The following LGR4 variants were observed in gnomAD, a reference collection of about 807,000 sequenced individuals.
LGR4 encodes leucine rich repeat containing G protein-coupled receptor 4, also known as leucine-rich repeat-containing G protein-coupled receptor 4.
In LGR4, 44 loss-of-function variants were observed where a neutral mutation model predicts 84.8. That is an observed-to-expected ratio of 0.52 (90% CI 0.41 to 0.67). The LOEUF is 0.67. Ranked by LOEUF, LGR4 falls within the 30% of genes least tolerant of loss-of-function variation. The pLI, the probability that LGR4 is intolerant of heterozygous loss-of-function variation, is 0.00. For synonymous variants in LGR4, 429 were observed against 434.3 expected, an observed-to-expected ratio of 0.99 and a Z score of 0.15; for missense variants, 1,032 against 1,131.4, an observed-to-expected ratio of 0.91 and a Z score of 1.26.
At chr11:27,372,432 A>G in intron 15 of LGR4, 34 bp from the exon 16 acceptor site, 1 of 1,142,514 alleles carries the variant, frequency 8.8e-7, no homozygotes, top group Non-Finnish European at 1.3e-6. Context: ...TACACTGAAC[A>G]GCAACTCCGC....
chr11:27,413,094 C>T (rs1863742029), intron 1 of LGR4, among the ~76,000 whole-genome samples: 2 of 152,072 alleles, frequency 1.3e-5, no homozygotes, highest in Admixed American at 6.6e-5. Flanking sequence ...GTATTTTCCC[C>T]TCTTAAGTAT....
chr11:27,409,217 G>A (rs1213659278), intron 2 of LGR4, among the ~76,000 whole-genome samples: 1 of 152,028 alleles, frequency 6.6e-6, no homozygotes, highest in African/African-American at 2.4e-5. Flanking sequence ...GTTCCAGAAA[G>A]CACTGGGCTC....
chr11:27,450,696 G>C (rs1027130560), intron 1 of LGR4, among the ~76,000 whole-genome samples: 1 of 152,158 alleles, frequency 6.6e-6, no homozygotes, highest in Non-Finnish European at 1.5e-5. Flanking sequence ...GCTGAGGCAG[G>C]AGAATCCCTT....
intron 1 of LGR4, among the ~76,000 whole-genome samples, chr11:27,457,393 C>T (rs1388209591): frequency 6.6e-6 from 1 of 152,150 alleles, no homozygotes; most frequent in Non-Finnish European, 1.5e-5. Flanking sequence ...ACAGCAACTG[C>T]TAGGTATCAT....
At chr11:27,449,198 A>T (rs1409107738) in intron 1 of LGR4, among the ~76,000 whole-genome samples, 1 of 152,198 alleles carries the variant, frequency 6.6e-6, no homozygotes, top group Non-Finnish European at 1.5e-5. Flanking sequence ...ATAATGAGTG[A>T]ATCCTCAAGA....
intron 1 of LGR4, among the ~76,000 whole-genome samples, chr11:27,424,083 C>T (rs979635010): frequency 6.6e-6 from 1 of 152,134 alleles, no homozygotes; most frequent in Non-Finnish European, 1.5e-5. Flanking sequence ...TTTATTGAAG[C>T]AGTTTCTGTT....
At chr11:27,459,870 C>A (rs1292684068) in intron 1 of LGR4, among the ~76,000 whole-genome samples, 1 of 151,938 alleles carries the variant, frequency 6.6e-6, no homozygotes, top group East Asian at 2.0e-4. Flanking sequence ...GCAGGTGGAT[C>A]ACCTGAGGTC....
chr11:27,382,230 TCC>T lies in LGR4; in HGVS notation c.714_715del (p.Glu239IlefsTer6). On this transcript the variant is annotated frameshift_variant, in exon 7 of 18. Transcript: ENST00000379214. LOFTEE classifies it high-confidence loss of function. ...AAGGGCTTTAATAGCCTGAGGAAAT[TCC>T]CCCAAGTTATTATAATTCAAGTCTC... 6.2e-7 allele frequency: 1 copy of T among 1,608,734 alleles called. No individual in the cohort carries two copies. Among genetic ancestry groups the T allele is most frequent in the Admixed American group, 1.7e-5 (1 of 59,920 alleles).
intron 2 of LGR4, among the ~76,000 whole-genome samples, chr11:27,409,715 C>T (rs1317265223): frequency 1.3e-5 from 2 of 152,220 alleles, no homozygotes; most frequent in East Asian, 1.9e-4. Context: ...CAACTTTATG[C>T]GTCCTAAAAC....
chr11:27,423,448 A>G (rs1382477491), intron 1 of LGR4, among the ~76,000 whole-genome samples: 1 of 151,644 alleles, frequency 6.6e-6, no homozygotes, highest in Non-Finnish European at 1.5e-5. Context: ...CATACCCCAC[A>G]CACACTCTCT....
Position 27,412,779 on chromosome 11 carries a change from T to G in LGR4, c.257+10A>C. The G allele has an allele frequency of 6.7e-7, 1 of 1,501,936 alleles. No homozygotes were observed. Among genetic ancestry groups the G allele is most frequent in the Non-Finnish European group, 9.3e-7 (1 of 1,078,638 alleles). 93.0% of individuals were successfully genotyped at this position (1,501,936 alleles called of 1,614,324 possible). A position where few individuals can be genotyped will look rare whatever the true frequency, so the allele number is the denominator to read the frequency against. ...AGACATACACACACATTTCTCAAAGTAATACTTACAGCTCTTCTAGAAAAG... is the reference window on the plus strand; with the variant it reads ...AGACATACACACACATTTCTCAAAGGAATACTTACAGCTCTTCTAGAAAAG... On this transcript the variant is annotated intron_variant, in intron 2 of 17. Transcript: ENST00000379214.
chr11:27,422,979 T>C (rs1863949980), intron 1 of LGR4, among the ~76,000 whole-genome samples: 1 of 152,204 alleles, frequency 6.6e-6, no homozygotes, highest in Admixed American at 6.5e-5. Flanking sequence ...ATTGAGTTTT[T>C]AGAAGTATAC....
At chr11:27,430,102 C>A (rs917520536) in intron 1 of LGR4, among the ~76,000 whole-genome samples, 2 of 152,152 alleles carry the variant, frequency 1.3e-5, no homozygotes, top group African/African-American at 4.8e-5. Flanking sequence ...TCACATCGAA[C>A]GTACTCCTCT....
chr11:27,439,200 C>T (rs1169320888), intron 1 of LGR4, among the ~76,000 whole-genome samples: 1 of 152,148 alleles, frequency 6.6e-6, no homozygotes, highest in Non-Finnish European at 1.5e-5. Flanking sequence ...GAAACTCTAC[C>T]CATTAATCAG....
chr11:27,436,760 T>C (rs895954482), intron 1 of LGR4, among the ~76,000 whole-genome samples: 1 of 152,162 alleles, frequency 6.6e-6, no homozygotes, highest in Non-Finnish European at 1.5e-5. Context: ...ACCACAGGTG[T>C]TAATATCGTT....
chr11:27,410,019 T>C lies in LGR4; in HGVS notation c.257+2770A>G, dbSNP rs555272780. On this transcript the variant is annotated intron_variant, in intron 2 of 17. Coordinates refer to ENST00000379214, the MANE Select transcript of LGR4 (RefSeq NM_018490.5). ...ATGGAAATGATCCACATCTGCACTGTCTAATATAGTAGCAACCACAGGCAG... is the reference window on the plus strand; with the variant it reads ...ATGGAAATGATCCACATCTGCACTGCCTAATATAGTAGCAACCACAGGCAG... Among the ~76,000 whole-genome samples, 7 of 152,306 alleles carry C rather than the reference T, an allele frequency of 4.6e-5. No individual in the cohort carries two copies. In the East Asian group the frequency reaches 1.3e-3, roughly 29 times the overall value.
chr11:27,393,144 G>A (rs541759664), intron 2 of LGR4, among the ~76,000 whole-genome samples: 54 of 152,094 alleles, frequency 3.6e-4, no homozygotes, highest in Non-Finnish European at 7.1e-4. Flanking sequence ...AGAATTCTTT[G>A]GATCCTTTTG....
chr11:27,435,035 C>T (rs955557295), intron 1 of LGR4, among the ~76,000 whole-genome samples: 1 of 152,086 alleles, frequency 6.6e-6, no homozygotes, highest in African/African-American at 2.4e-5. Context: ...TCCTGACGAG[C>T]TACTTATAGA....
At chr11:27,437,812 G>A (rs1864237729) in intron 1 of LGR4, among the ~76,000 whole-genome samples, 2 of 151,776 alleles carry the variant, frequency 1.3e-5, no homozygotes, top group African/African-American at 2.4e-5. Flanking sequence ...GATCAGCCTG[G>A]GTAACATAGT....
Sources: allele counts gnomAD v4.1 joint callset (sites outside exome capture counted in the v4.1 genomes callset), GRCh38; gene constraint gnomAD v4.1.1; transcripts MANE v1.5; gene names NCBI Gene and HGNC (gene_info 2026-07-23, HGNC 2026-07-21).